The following ZFAND3 variants were observed in gnomAD, a reference collection of about 807,000 sequenced individuals.
The protein encoded by ZFAND3 is AN1-type zinc finger protein 3.
A neutral mutation model predicts 29.6 loss-of-function variants in ZFAND3; 10 were observed. The ratio of observed to expected loss-of-function variants is 0.34; its 90% CI spans 0.21 to 0.57. ZFAND3 has a LOEUF of 0.57. Among genes scored for constraint, ZFAND3 ranks in the 20% least tolerant of loss-of-function variants. ZFAND3 has a pLI of 0.86. For synonymous variants in ZFAND3, 128 were observed against 112.6 expected, an observed-to-expected ratio of 1.14 and a Z score of -0.87; for missense variants, 230 against 304.5, an observed-to-expected ratio of 0.76 and a Z score of 1.82.
intron 1 of ZFAND3, among the ~76,000 whole-genome samples, chr6:37,873,972 G>C (rs1290922876): frequency 1.3e-5 from 2 of 152,084 alleles, no homozygotes; most frequent in Non-Finnish European, 2.9e-5. Context: ...GAAACCATTT[G>C]TATTCATCTG....
intron 2 of ZFAND3, among the ~76,000 whole-genome samples, chr6:38,051,228 T>G (rs1036917696): frequency 6.6e-6 from 1 of 152,160 alleles, no homozygotes; most frequent in African/African-American, 2.4e-5. Flanking sequence ...TGGGAATTAT[T>G]TTTTTGTCTT....
chr6:37,836,535 T>G lies in ZFAND3; in HGVS notation c.71+16519T>G, dbSNP rs1474041039. On this transcript the variant is annotated intron_variant, in intron 1 of 5. Transcript: ENST00000287218. ...GTTAAGATGATAATTGAGACATCTC[T>G]GCTCCTTGAAGGTCCTAGAAGAACT... 2.0e-5 allele frequency among the ~76,000 whole-genome samples: 3 copies of G among 152,224 alleles called. No homozygotes were observed. The East Asian group carries it at 5.8e-4, about 29-fold the overall frequency.
rs542395765 is a variant in ZFAND3 at position 38,116,759 on chromosome 6, G to A, written c.529+20G>A. 1 of 1,611,048 alleles carries A rather than the reference G, an allele frequency of 6.2e-7. No homozygotes were observed. Among genetic ancestry groups the A allele is most frequent in the Non-Finnish European group, 8.5e-7 (1 of 1,177,806 alleles). ...GCTGCGGTAAGCATCTCCCCCAGTG[G>A]CGTGATGGAGACTATATCCTTAACA... is the stretch of plus-strand genomic sequence containing the variant. On this transcript the variant is annotated intron_variant, in intron 5 of 5. Transcript: ENST00000287218.
chr6:38,149,029 A>G (rs1380312689), intron 5 of ZFAND3, among the ~76,000 whole-genome samples: 3 of 152,168 alleles, frequency 2.0e-5, no homozygotes, highest in East Asian at 1.9e-4. Context: ...CCCAAAATCT[A>G]TCTGCTGTTT....
At chr6:38,011,570 C>G (rs1279406664) in intron 2 of ZFAND3, among the ~76,000 whole-genome samples, 1 of 151,670 alleles carries the variant, frequency 6.6e-6, no homozygotes, top group Non-Finnish European at 1.5e-5. Flanking sequence ...TTTTCATTTC[C>G]TTTTGGTTTG....
chr6:37,915,092 T>G (rs1281659188), intron 1 of ZFAND3, among the ~76,000 whole-genome samples: 1 of 152,266 alleles, frequency 6.6e-6, no homozygotes, highest in Non-Finnish European at 1.5e-5. Flanking sequence ...CAGCACTTGC[T>G]GCTTCACCTT....
chr6:38,055,267 A>T (rs570285047), intron 2 of ZFAND3, among the ~76,000 whole-genome samples: 1 of 152,316 alleles, frequency 6.6e-6, no homozygotes, highest in Admixed American at 6.5e-5. Context: ...TGGTGGGTGC[A>T]TGGATTTGTA....
intron 2 of ZFAND3, among the ~76,000 whole-genome samples, chr6:37,932,881 A>G (rs573921228): frequency 6.6e-5 from 10 of 152,296 alleles, no homozygotes; most frequent in Admixed American, 5.2e-4. Context: ...GCTTCTCTCT[A>G]TATTTTTTAC....
intron 1 of ZFAND3, among the ~76,000 whole-genome samples, chr6:37,827,696 A>C (rs896290883): frequency 6.6e-6 from 1 of 152,278 alleles, no homozygotes; most frequent in Non-Finnish European, 1.5e-5. Context: ...GAGCTGCAAC[A>C]GTGCCAGGCA....
At chr6:37,997,098 A>G (rs1010154263) in intron 2 of ZFAND3, among the ~76,000 whole-genome samples, 1 of 152,232 alleles carries the variant, frequency 6.6e-6, no homozygotes, top group Non-Finnish European at 1.5e-5. Flanking sequence ...GTAAATTTGC[A>G]GAATAAAATG....
chr6:37,959,304 G>A (rs145050757), intron 2 of ZFAND3, among the ~76,000 whole-genome samples: 361 of 152,312 alleles, frequency 2.4e-3, no homozygotes, highest in African/African-American at 7.9e-3. Context: ...TCTCTCCACG[G>A]TAGTGATGGT....
intron 2 of ZFAND3, among the ~76,000 whole-genome samples, chr6:37,962,470 C>T (rs1762214436): frequency 6.6e-6 from 1 of 152,168 alleles, no homozygotes; most frequent in Non-Finnish European, 1.5e-5. Flanking sequence ...AGAAAACTAT[C>T]AATATCCAAG....
At chr6:38,129,382 G>C (rs1765700361) in intron 5 of ZFAND3, among the ~76,000 whole-genome samples, 1 of 152,146 alleles carries the variant, frequency 6.6e-6, no homozygotes, top group Non-Finnish European at 1.5e-5. Context: ...TGGGTTATTG[G>C]TCATGAAATC....
chr6:37,999,146 A>G (rs761701579), intron 2 of ZFAND3, among the ~76,000 whole-genome samples: 15 of 152,332 alleles, frequency 9.8e-5, no homozygotes, highest in African/African-American at 1.9e-4. Flanking sequence ...TGAAGGGGGC[A>G]TGTCAGAGGG....
chr6:37,877,104 G>A (rs1189077758), intron 1 of ZFAND3, among the ~76,000 whole-genome samples: 1 of 152,144 alleles, frequency 6.6e-6, no homozygotes, highest in Non-Finnish European at 1.5e-5. Context: ...ACACACACGT[G>A]CATGCGACAT....
chr6:37,893,530 A>G (rs1319822906), intron 1 of ZFAND3, among the ~76,000 whole-genome samples: 4 of 150,508 alleles, frequency 2.7e-5, no homozygotes, highest in African/African-American at 9.7e-5. Flanking sequence ...ATACTATACA[A>G]TTTCAGGATC....
intron 2 of ZFAND3, among the ~76,000 whole-genome samples, chr6:37,965,539 T>C (rs1205599762): frequency 6.6e-6 from 1 of 150,762 alleles, no homozygotes; most frequent in African/African-American, 2.4e-5. Context: ...ATGATTGTTA[T>C]TCCACTGCTT....
intron 2 of ZFAND3, among the ~76,000 whole-genome samples, chr6:37,977,582 C>T (rs929440229): frequency 5.9e-5 from 9 of 152,018 alleles, no homozygotes; most frequent in East Asian, 1.9e-4. Flanking sequence ...GGATTGCTTA[C>T]GGACATGAGC....
At chr6:38,137,262 G>A (rs1056713180) in intron 5 of ZFAND3, among the ~76,000 whole-genome samples, 1 of 152,202 alleles carries the variant, frequency 6.6e-6, no homozygotes, top group Admixed American at 6.5e-5. Flanking sequence ...GCAAAAAACA[G>A]GATACACCAC....
Sources: gnomAD v4.1 joint callset for allele counts (sites outside exome capture counted in the v4.1 genomes callset) on GRCh38, gnomAD v4.1.1 for gene constraint, MANE v1.5 for transcripts, NCBI Gene and HGNC (gene_info 2026-07-23, HGNC 2026-07-21) for gene names.